Variants in MDGA2 observed in about 807,000 individuals in gnomAD.
MDGA2 encodes the protein MAM domain-containing glycosylphosphatidylinositol anchor protein 2.
Under a neutral mutation model 117.8 loss-of-function variants are expected in MDGA2, and 40 were observed. The observed-to-expected ratio is 0.34, with a 90% CI of 0.26 to 0.44. MDGA2 has a LOEUF of 0.44. MDGA2 is among the 20% of genes least tolerant of loss of function. The pLI, the probability that MDGA2 is intolerant of heterozygous loss-of-function variation, is 1.00. For synonymous variants in MDGA2, 452 were observed against 439.0 expected (o/e 1.03, Z -0.37); for missense variants, 1,123 against 1,250.6 (o/e 0.90, Z 1.54).
chr14:47,658,228 T>A (rs1022653956), intron 1 of MDGA2, among the ~76,000 whole-genome samples: 1 of 152,160 alleles, frequency 6.6e-6, no homozygotes, highest in Non-Finnish European at 1.5e-5. Context: ...GCTGCTGTTA[T>A]GTAACATGAG....
At chr14:47,463,293 T>C (rs1036999209) in intron 1 of MDGA2, among the ~76,000 whole-genome samples, 1 of 152,184 alleles carries the variant, frequency 6.6e-6, no homozygotes, top group Non-Finnish European at 1.5e-5. Flanking sequence ...ATATGAATGC[T>C]TGCACCCAAA....
At chr14:47,020,821 C>A (rs1888259390) in intron 8 of MDGA2, among the ~76,000 whole-genome samples, 1 of 151,480 alleles carries the variant, frequency 6.6e-6, no homozygotes, top group South Asian at 2.1e-4. Context: ...GTTTTTCTCA[C>A]TCGAATGAAC....
At chr14:47,658,231 A>G (rs1897781538) in intron 1 of MDGA2, among the ~76,000 whole-genome samples, 1 of 152,134 alleles carries the variant, frequency 6.6e-6, no homozygotes, top group Non-Finnish European at 1.5e-5. Flanking sequence ...GCTGTTATGT[A>G]ACATGAGCAG....
intron 7 of MDGA2, among the ~76,000 whole-genome samples, chr14:47,054,570 GT>G (rs531375182): frequency 6.7e-6 from 1 of 149,794 alleles, no homozygotes; most frequent in Non-Finnish European, 1.5e-5. Context: ...GAGGTGTTTG[GT>G]TTTTTGTCCT....
chr14:47,562,348 C>T (rs1895832701), intron 1 of MDGA2, among the ~76,000 whole-genome samples: 1 of 152,042 alleles, frequency 6.6e-6, no homozygotes, highest in South Asian at 2.1e-4. Context: ...GTTGTAAATC[C>T]ATCTTGTCCT....
At chr14:47,319,363 A>G (rs1252848278) in intron 1 of MDGA2, among the ~76,000 whole-genome samples, 1 of 152,196 alleles carries the variant, frequency 6.6e-6, no homozygotes, top group East Asian at 1.9e-4. Context: ...CTGCAAAATT[A>G]TATTTGTTTT....
chr14:47,330,484 A>G (rs1004820050), intron 1 of MDGA2, among the ~76,000 whole-genome samples: 6 of 151,880 alleles, frequency 4.0e-5, no homozygotes, highest in African/African-American at 1.2e-4. Flanking sequence ...ATAATCTACA[A>G]ATATTTGGTA....
intron 1 of MDGA2, among the ~76,000 whole-genome samples, chr14:47,326,706 C>CAA (rs1555373762): frequency 6.6e-6 from 1 of 151,422 alleles, no homozygotes; most frequent in Non-Finnish European, 1.5e-5. Context: ...CACACACACA[C>CAA]AATTGTATCA....
intron 1 of MDGA2, among the ~76,000 whole-genome samples, chr14:47,594,734 C>A (rs556713948): frequency 1.3e-5 from 2 of 152,206 alleles, no homozygotes; most frequent in African/African-American, 4.8e-5. Flanking sequence ...GTTCCCACTG[C>A]GAGGTGCCAT....
intron 9 of MDGA2, among the ~76,000 whole-genome samples, chr14:46,932,350 A>C (rs1436177615): frequency 6.6e-6 from 1 of 152,066 alleles, no homozygotes; most frequent in African/African-American, 2.4e-5. Context: ...TGAATATAAT[A>C]TTACATTATA....
At chr14:46,873,737 T>C (rs1327933720) in intron 13 of MDGA2, 146 bp from the exon 14 acceptor site, 9 of 701,074 alleles carry the variant, frequency 1.3e-5, no homozygotes, top group Non-Finnish European at 1.8e-5. Context: ...TATGTGTATA[T>C]GTAACTAATA....
intron 2 of MDGA2, among the ~76,000 whole-genome samples, chr14:47,239,781 A>G (rs1477844088): frequency 6.6e-6 from 1 of 151,926 alleles, no homozygotes; most frequent in Non-Finnish European, 1.5e-5. Flanking sequence ...TTGATTGAAT[A>G]AAAGTTATTT....
chr14:47,028,409 G>A (rs1888549941), intron 8 of MDGA2, among the ~76,000 whole-genome samples: 1 of 152,088 alleles, frequency 6.6e-6, no homozygotes, highest in Non-Finnish European at 1.5e-5. Flanking sequence ...ACAACCATTA[G>A]AATTATTTCC....
In MDGA2 at chr14:47,552,470, C is replaced by T. The variant is rs538974130; in HGVS notation, c.280+122047G>A. Among the ~76,000 whole-genome samples, 4 of 152,314 alleles carry T rather than the reference C, an allele frequency of 2.6e-5. No individual in the cohort carries two copies. In the South Asian group the frequency reaches 8.3e-4, roughly 32 times the overall value. ...TCAGGCCAAAAATATTGAGGAAGTT[C>T]CTGAATACTTTCTCTTATACTACAG... is the stretch of plus-strand genomic sequence containing the variant. On this transcript the variant is annotated intron_variant, in intron 1 of 16. Transcript: ENST00000399232.
intron 8 of MDGA2, among the ~76,000 whole-genome samples, chr14:46,994,258 T>A (rs918517441): frequency 3.3e-5 from 5 of 152,154 alleles, no homozygotes; most frequent in African/African-American, 1.2e-4. Flanking sequence ...CTGCCCTATA[T>A]GACTCTTCCT....
chr14:46,941,351 G>A (rs1363056241), intron 9 of MDGA2, among the ~76,000 whole-genome samples: 2 of 152,122 alleles, frequency 1.3e-5, no homozygotes, highest in African/African-American at 4.8e-5. Flanking sequence ...ACAAGAAAAC[G>A]TCTATTGACT....
At chr14:47,468,565 C>T (rs556535327) in intron 1 of MDGA2, among the ~76,000 whole-genome samples, 3 of 152,236 alleles carry the variant, frequency 2.0e-5, no homozygotes, top group East Asian at 1.9e-4. Context: ...CAATTCTAAA[C>T]GACACTTAAT....
intron 1 of MDGA2, among the ~76,000 whole-genome samples, chr14:47,551,411 C>T (rs2138778330): frequency 1.3e-5 from 2 of 152,262 alleles, no homozygotes; most frequent in Non-Finnish European, 2.9e-5. Context: ...TGCAGCTGCA[C>T]TTCAGGCTAA....
Position 47,579,213 on chromosome 14 carries a change from A to C in MDGA2, c.280+95304T>G, listed in dbSNP as rs1594927423. Reference sequence around the variant, plus strand: ...AAAATAGAATGGATCAAGTTTTTGTAGTAAAGTATGACATGATAATGTCCT... The same window carrying C: ...AAAATAGAATGGATCAAGTTTTTGTCGTAAAGTATGACATGATAATGTCCT... On this transcript the variant is annotated intron_variant, in intron 1 of 16. Transcript: ENST00000399232. 6.6e-5 allele frequency among the ~76,000 whole-genome samples: 10 copies of C among 152,248 alleles called. No homozygotes were observed. The South Asian group carries it at 2.1e-3, about 31-fold the overall frequency.
Sources: gnomAD v4.1 joint callset for allele counts (sites outside exome capture counted in the v4.1 genomes callset) on GRCh38, gnomAD v4.1.1 for gene constraint, MANE v1.5 for transcripts, NCBI Gene and HGNC (gene_info 2026-07-23, HGNC 2026-07-21) for gene names.